The following NELL2 variants were observed in gnomAD, a reference collection of about 807,000 sequenced individuals.
The protein encoded by NELL2 is neural EGFL like 2, also known as protein kinase C-binding protein NELL2.
A neutral mutation model predicts 109.6 loss-of-function variants in NELL2; 41 were observed. That is an observed-to-expected ratio of 0.37 (90% CI 0.29 to 0.49). The LOEUF (loss-of-function observed/expected upper bound fraction) is 0.49. Ranked by LOEUF, NELL2 falls within the 20% of genes least tolerant of loss-of-function variation. NELL2 has a pLI of 0.98. For synonymous variants in NELL2, 355 were observed against 344.7 expected, an observed-to-expected ratio of 1.03 and a Z score of -0.33; for missense variants, 900 against 1,008.3, an observed-to-expected ratio of 0.89 and a Z score of 1.45.
At chr12:44,531,022 GA>G (rs1433365744) in intron 16 of NELL2, among the ~76,000 whole-genome samples, 14 of 152,310 alleles carry the variant, frequency 9.2e-5, no homozygotes, top group African/African-American at 3.1e-4. Flanking sequence ...AAATTTGAAA[GA>G]CAGTGAGTTT....
intron 2 of NELL2, among the ~76,000 whole-genome samples, chr12:44,822,161 A>G (rs148859369): frequency 6.6e-6 from 1 of 152,198 alleles, no homozygotes; most frequent in Non-Finnish European, 1.5e-5. Context: ...TTACAGGAAC[A>G]AACTTTGAAG....
intron 15 of NELL2, among the ~76,000 whole-genome samples, chr12:44,575,904 CT>C (rs1944058433): frequency 6.6e-6 from 1 of 152,138 alleles, no homozygotes; most frequent in Admixed American, 6.5e-5. Context: ...TTCTCTTTGG[CT>C]GGAGGGTGAA....
At chr12:44,658,966 G>T (rs1028225702) in intron 13 of NELL2, among the ~76,000 whole-genome samples, 3 of 151,476 alleles carry the variant, frequency 2.0e-5, no homozygotes, top group African/African-American at 7.3e-5. Context: ...CAAGGCTACA[G>T]TAACCAAAAC....
chr12:44,655,557 G>A (rs1205617755), intron 13 of NELL2, among the ~76,000 whole-genome samples: 1 of 152,166 alleles, frequency 6.6e-6, no homozygotes, highest in African/African-American at 2.4e-5. Flanking sequence ...CATTGCCTTG[G>A]CCTCCTCAGT....
intron 9 of NELL2, among the ~76,000 whole-genome samples, chr12:44,765,584 G>A (rs950774968): frequency 6.6e-6 from 1 of 152,132 alleles, no homozygotes; most frequent in Non-Finnish European, 1.5e-5. Flanking sequence ...CATAATATAG[G>A]TGAAATATAT....
At chr12:44,877,451 A>C (rs1210820140), upstream of NELL2, among the ~76,000 whole-genome samples, 1 of 152,262 alleles carries the variant, frequency 6.6e-6, no homozygotes, top group African/African-American at 2.4e-5. Context: ...TTAAAAAACC[A>C]TTATGGTATT....
chr12:44,835,275 C>G (rs797007157), intron 2 of NELL2, among the ~76,000 whole-genome samples: 27 of 152,298 alleles, frequency 1.8e-4, no homozygotes, highest in African/African-American at 5.8e-4. Flanking sequence ...AGACAGCCAA[C>G]AGGAAGGCAG....
At chr12:44,804,885 C>A (rs1236539340) in intron 3 of NELL2, among the ~76,000 whole-genome samples, 1 of 151,804 alleles carries the variant, frequency 6.6e-6, no homozygotes, top group Non-Finnish European at 1.5e-5. Flanking sequence ...AACTCTGTCA[C>A]TAGGGAAAAG....
intron 2 of NELL2, among the ~76,000 whole-genome samples, chr12:44,820,514 C>T (rs943326232): frequency 2.0e-5 from 3 of 150,604 alleles, no homozygotes; most frequent in African/African-American, 7.3e-5. Flanking sequence ...GAGGCTGAGG[C>T]AGGAGAATGG....
At chr12:44,562,384 A>T (rs946378071) in intron 15 of NELL2, among the ~76,000 whole-genome samples, 2 of 152,226 alleles carry the variant, frequency 1.3e-5, no homozygotes, top group Non-Finnish European at 2.9e-5. Flanking sequence ...CAGGCAGCCT[A>T]CAGAATGGGA....
rs1945312193 is a variant in NELL2, at chr12:44,876,103, G to C, written c.-234C>G. 2.2e-6 allele frequency: 3 copies of C among 1,336,020 alleles called. No individual in the cohort carries two copies. The East Asian group carries it at 8.5e-5, about 38-fold the overall frequency. The allele number at this position is 1,336,020 out of a possible 1,614,324, so 82.8% of individuals were successfully genotyped here. A position where few individuals can be genotyped will look rare whatever the true frequency, so the allele number is the denominator to read the frequency against. Reference sequence around the variant, plus strand: ...ACATCATTCCCACACGCAGGGCCGAGGCGGCAGCGCGGCCCGGAGGGGGCC... The same window carrying C: ...ACATCATTCCCACACGCAGGGCCGACGCGGCAGCGCGGCCCGGAGGGGGCC... On this transcript the variant is annotated 5_prime_UTR_variant, in exon 1 of 20. Coordinates refer to ENST00000429094, the MANE Select transcript of NELL2 (RefSeq NM_001145108.2).
At chr12:44,848,785 CAA>C (rs1321053974) in intron 2 of NELL2, among the ~76,000 whole-genome samples, 1 of 151,914 alleles carries the variant, frequency 6.6e-6, no homozygotes, top group Non-Finnish European at 1.5e-5. Flanking sequence ...GTCACAGGAC[CAA>C]AAAAATCACT....
chr12:44,775,208 C>T (rs1941704332), intron 8 of NELL2, among the ~76,000 whole-genome samples: 1 of 152,168 alleles, frequency 6.6e-6, no homozygotes, highest in Admixed American at 6.5e-5. Flanking sequence ...CTGTATCATG[C>T]ACACGAACAT....
At chr12:44,780,567 C>A (rs1011535475) in intron 3 of NELL2, among the ~76,000 whole-genome samples, 50 of 151,938 alleles carry the variant, frequency 3.3e-4, no homozygotes, top group Non-Finnish European at 6.8e-4. Flanking sequence ...AGAATTTTAA[C>A]CCTCCCAGGC....
At chr12:44,728,341 G>A (rs1385240604) in intron 9 of NELL2, among the ~76,000 whole-genome samples, 1 of 151,976 alleles carries the variant, frequency 6.6e-6, no homozygotes, top group East Asian at 1.9e-4. Flanking sequence ...TACAATAACT[G>A]AATTGAAAAA....
chr12:44,548,500 G>C (rs540378003), intron 15 of NELL2, among the ~76,000 whole-genome samples: 10 of 150,494 alleles, frequency 6.6e-5, no homozygotes, highest in Non-Finnish European at 1.5e-4. Context: ...AGCTGACATC[G>C]CACCACTGCA....
chr12:44,538,891 CTT>C (rs1942416115), intron 15 of NELL2, among the ~76,000 whole-genome samples: 1 of 152,066 alleles, frequency 6.6e-6, no homozygotes, highest in African/African-American at 2.4e-5. Flanking sequence ...TTACTAGAGT[CTT>C]AGTATTTTAT....
At chr12:44,827,174 A>T (rs1475899934) in intron 2 of NELL2, among the ~76,000 whole-genome samples, 7 of 152,140 alleles carry the variant, frequency 4.6e-5, no homozygotes, top group Admixed American at 4.6e-4. Context: ...ATGTGGATCC[A>T]AGGTAGGTAT....
intron 13 of NELL2, among the ~76,000 whole-genome samples, chr12:44,622,363 AT>A (rs1946091827): frequency 1.3e-5 from 2 of 152,116 alleles, no homozygotes; most frequent in African/African-American, 4.8e-5. Context: ...ATCCATTGAC[AT>A]TTATTTCAAA....
Sources: allele counts gnomAD v4.1 joint callset (sites outside exome capture counted in the v4.1 genomes callset), GRCh38; gene constraint gnomAD v4.1.1; transcripts MANE v1.5; gene names NCBI Gene and HGNC (gene_info 2026-07-23, HGNC 2026-07-21).